The following RCBTB2 variants were observed in gnomAD, a reference collection of about 807,000 sequenced individuals.
The protein encoded by RCBTB2 is RCC1 and BTB domain-containing protein 2.
In RCBTB2, 55 loss-of-function variants were observed where a neutral mutation model predicts 65.4. The observed-to-expected ratio is 0.84, with a 90% confidence interval of 0.68 to 1.05. The LOEUF (loss-of-function observed/expected upper bound fraction) is 1.05. RCBTB2 is among the 50% of genes least tolerant of loss of function. The probability of loss-of-function intolerance (pLI) is 0.00; values close to 1 mark genes in which losing one functional copy is unlikely to be tolerated. For missense variants in RCBTB2, 599 were observed against 680.1 expected, an observed-to-expected ratio of 0.88 and a Z score of 1.33; for synonymous variants, 220 against 255.2, an observed-to-expected ratio of 0.86 and a Z score of 1.31.
intron 10 of RCBTB2, among the ~76,000 whole-genome samples, 193 bp from the exon 11 acceptor site, chr13:48,503,107 G>A (rs927285086): frequency 1.4e-4 from 21 of 152,070 alleles, no homozygotes; most frequent in African/African-American, 4.6e-4. Flanking sequence ...GCACCAAACC[G>A]TTATTTACAT....
chr13:48,526,834 T>G (rs554190983), intron 1 of RCBTB2, among the ~76,000 whole-genome samples: 2 of 152,118 alleles, frequency 1.3e-5, no homozygotes, highest in African/African-American at 4.8e-5. Flanking sequence ...GAGAATCACT[T>G]GAACTTGGGA....
intron 1 of RCBTB2, among the ~76,000 whole-genome samples, chr13:48,528,647 C>A (rs914875855): frequency 6.6e-6 from 1 of 152,056 alleles, no homozygotes; most frequent in Non-Finnish European, 1.5e-5. Context: ...TCTTTAATAG[C>A]TTTTTAAGGG....
At chr13:48,496,111 T>C in intron 14 of RCBTB2, 80 bp downstream of exon 14, 1 of 1,297,856 alleles carries the variant, frequency 7.7e-7, no homozygotes, top group Non-Finnish European at 1.0e-6. Flanking sequence ...ACCCAGACTT[T>C]CTTTTAGTTT....
chr13:48,501,878 T>C lies in RCBTB2; in HGVS notation c.1118-10A>G. On this transcript the variant is annotated splice_polypyrimidine_tract_variant and intron_variant, in intron 11 of 14. Coordinates refer to ENST00000344532, the MANE Select transcript of RCBTB2 (RefSeq NM_001268.4). ...AGGTGGTCATCAGGTTCTAGGAGAATAATGCAAATGCTTCCAGAGTTAGCT... is the reference window on the plus strand; with the variant it reads ...AGGTGGTCATCAGGTTCTAGGAGAACAATGCAAATGCTTCCAGAGTTAGCT... The C allele has an allele frequency of 6.2e-7, 1 of 1,612,730 alleles. No homozygotes were observed. Among genetic ancestry groups the C allele is most frequent in the South Asian group, 1.1e-5 (1 of 90,780 alleles).
In RCBTB2 at chr13:48,502,796, G is replaced by T; in HGVS notation, c.1045C>A (p.His349Asn). ...GQSVILPHLT[H>N]FSCTDDVFAC... ...AACACGTCGTCAGTGCAGGAGAAGT[G>T]GGTGAGGTGCGGGAGGATCACGGAC... Residue 349 changes from histidine to asparagine, a missense_variant, in exon 11 of 15, where the codon CAC becomes AAC. Physicochemically the swap from His to Asn is moderately conservative, Grantham distance 68. Coordinates refer to ENST00000344532, the MANE Select transcript of RCBTB2 (RefSeq NM_001268.4). The T allele has an allele frequency of 4.3e-6, 7 of 1,614,224 alleles. No individual in the cohort carries two copies. The highest frequency in any genetic ancestry group is 5.9e-6 in the Non-Finnish European group (7 of 1,180,026).
chr13:48,512,676 T>C (rs1950866994), intron 7 of RCBTB2, 53 bp downstream of exon 7: 2 of 1,436,064 alleles, frequency 1.4e-6, no homozygotes, highest in Admixed American at 1.8e-5. Flanking sequence ...ACTATAGAAG[T>C]CTACATAATC....
chr13:48,493,259 A>ACACACACACACACACT (rs1555297731), intron 14 of RCBTB2, among the ~76,000 whole-genome samples: 1 of 121,754 alleles, frequency 8.2e-6, no homozygotes, highest in Non-Finnish European at 1.7e-5. Context: ...ACACACACAC[A>ACACACACACACACACT]CTCTTCTCTC....
At chr13:48,527,183 T>C (rs930019446) in intron 1 of RCBTB2, among the ~76,000 whole-genome samples, 11 of 151,488 alleles carry the variant, frequency 7.3e-5, no homozygotes, top group African/African-American at 2.7e-4. Context: ...ATTTTCTTCA[T>C]AGTGACAGTG....
Position 48,507,865 on chromosome 13 carries a change from G to A in RCBTB2, c.926+2764C>T, listed in dbSNP as rs9332014. 5.7e-3 allele frequency among the ~76,000 whole-genome samples: 872 copies of A among 152,278 alleles called. 5 individuals carry two copies. The highest frequency in any genetic ancestry group is 0.01 in the Middle Eastern group (3 of 294). ...CAAATGTTGGTCAATCTGTCCCCAA[G>A]GTACTGAAACTTCAGAAAGATTGGA... is the stretch of plus-strand genomic sequence containing the variant. On this transcript the variant is annotated intron_variant, in intron 10 of 14. Coordinates refer to ENST00000344532, the MANE Select transcript of RCBTB2 (RefSeq NM_001268.4).
At chr13:48,500,063 T>C (rs1377517526) in intron 12 of RCBTB2, among the ~76,000 whole-genome samples, 1 of 152,232 alleles carries the variant, frequency 6.6e-6, no homozygotes. Flanking sequence ...AGTGGGTTTA[T>C]TTTTATAAAA....
intron 1 of RCBTB2, chr13:48,532,536 C>T (rs974994289): frequency 5.9e-6 from 1 of 168,242 alleles, no homozygotes; most frequent in African/African-American, 2.4e-5. Context: ...GAGGGAGAAA[C>T]TTCAGGCAGG....
intron 14 of RCBTB2, among the ~76,000 whole-genome samples, chr13:48,493,356 C>A (rs1949828531): frequency 7.1e-6 from 1 of 141,306 alleles, no homozygotes; most frequent in South Asian, 2.3e-4. Context: ...TTCTCTCTCT[C>A]ACCCTCTCTC....
chr13:48,490,321 C>G, intron 14 of RCBTB2, 70 bp from the exon 15 acceptor site: 1 of 1,400,006 alleles, frequency 7.1e-7, no homozygotes, highest in Admixed American at 2.0e-5. Context: ...GCATGAAAAT[C>G]GCTAAAACAA....
At chr13:48,505,461 AG>A (rs1335121292) in intron 10 of RCBTB2, among the ~76,000 whole-genome samples, 1 of 152,266 alleles carries the variant, frequency 6.6e-6, no homozygotes, top group Non-Finnish European at 1.5e-5. Flanking sequence ...GCTGTGCAAA[AG>A]AACCGTGCCA....
intron 9 of RCBTB2, among the ~76,000 whole-genome samples, chr13:48,511,184 A>G (rs1448278921): frequency 2.0e-5 from 3 of 152,224 alleles, no homozygotes; most frequent in Non-Finnish European, 4.4e-5. Flanking sequence ...ATATAGACAT[A>G]GAGATATGTA....
chr13:48,490,744 C>T (rs940562189), intron 14 of RCBTB2, among the ~76,000 whole-genome samples: 7 of 152,122 alleles, frequency 4.6e-5, no homozygotes, highest in Admixed American at 1.3e-4. Flanking sequence ...AACAGGCCAC[C>T]GCTTTTTCTC....
At chr13:48,495,480 T>G (rs1192774236) in intron 14 of RCBTB2, among the ~76,000 whole-genome samples, 1 of 152,226 alleles carries the variant, frequency 6.6e-6, no homozygotes, top group East Asian at 1.9e-4. Flanking sequence ...GCCTCCACTA[T>G]TCACACTAAC....
chr13:48,496,862 AG>A (rs1950008810), intron 13 of RCBTB2, among the ~76,000 whole-genome samples: 3 of 141,296 alleles, frequency 2.1e-5, no homozygotes, highest in Admixed American at 2.1e-4. Flanking sequence ...AGGGGAGGGG[AG>A]ACCCTTTCAT....
At chr13:48,519,545 A>G (rs1361368598) in intron 4 of RCBTB2, among the ~76,000 whole-genome samples, 1 of 152,160 alleles carries the variant, frequency 6.6e-6, no homozygotes, top group East Asian at 1.9e-4. Context: ...TGGGATTCCA[A>G]TGCGTGTGTT....
Sources: allele counts gnomAD v4.1 joint callset (sites outside exome capture counted in the v4.1 genomes callset), GRCh38; gene constraint gnomAD v4.1.1; transcripts MANE v1.5; gene names NCBI Gene and HGNC (gene_info 2026-07-23, HGNC 2026-07-21).